TMEM116: variants seen among roughly 807,000 people sequenced by gnomAD.
The protein encoded by TMEM116 is transmembrane protein 116.
A neutral mutation model predicts 44.3 loss-of-function variants in TMEM116; 38 were observed. The ratio of observed to expected loss-of-function variants is 0.86; its 90% CI spans 0.66 to 1.12. TMEM116 has a LOEUF of 1.12. Among genes scored for constraint, TMEM116 ranks in the 50% most tolerant of loss-of-function variants. The pLI is 0.00. For missense variants in TMEM116, 354 were observed against 401.7 expected (o/e 0.88, Z 1.01); for synonymous variants, 132 against 144.8 (o/e 0.91, Z 0.64).
chr12:111,947,172 CTTT>C (rs76012436), intron 4 of TMEM116, among the ~76,000 whole-genome samples: 9 of 123,838 alleles, frequency 7.3e-5, no homozygotes, highest in Non-Finnish European at 1.2e-4. Flanking sequence ...CTTTTAAAGA[CTTT>C]TTTTTTTTTT....
intron 4 of TMEM116, among the ~76,000 whole-genome samples, chr12:111,960,160 AC>A: frequency 6.6e-6 from 1 of 152,350 alleles, no homozygotes; most frequent in East Asian, 1.9e-4. Flanking sequence ...CTCTCAGACA[AC>A]AGTGCAATCA....
At chr12:111,970,086 G>C (rs1052462675) in intron 4 of TMEM116, among the ~76,000 whole-genome samples, 2 of 151,834 alleles carry the variant, frequency 1.3e-5, no homozygotes, top group Non-Finnish European at 2.9e-5. Flanking sequence ...GGCCAACATG[G>C]TGAAACCCCA....
chr12:111,991,602 A>G (rs2136624979), intron 4 of TMEM116, 156 bp downstream of exon 4: 1 of 614,008 alleles, frequency 1.6e-6, no homozygotes, highest in African/African-American at 1.9e-5. Context: ...ATTCTATAAT[A>G]TAGTGTTTTT....
At chr12:111,955,012 C>T (rs1183238580) in intron 4 of TMEM116, among the ~76,000 whole-genome samples, 1 of 152,112 alleles carries the variant, frequency 6.6e-6, no homozygotes, top group Admixed American at 6.5e-5. Context: ...CTGAAGGTAG[C>T]CAGATTCTCT....
At position 111,931,708 on chromosome 12, in the gene TMEM116, T is replaced by G. The variant is rs201605168; in HGVS notation, c.927A>C (p.Leu309Phe). Residue 309 changes from leucine to phenylalanine, a missense_variant, in exon 11 of 11, where the codon TTA becomes TTC. By Grantham distance (22) the Leu-to-Phe change is conservative. Transcript: ENST00000552374. ...RRDADTQTPL[L>F]CSQKRFYSRG... ...TGCTATAGAATCTCTTCTGTGAGCA[T>G]AATAATGGTGTCTGGGTATCTGCAT... The G allele has an allele frequency of 6.2e-7, 1 of 1,613,998 alleles. No homozygotes were observed. Among genetic ancestry groups the G allele is most frequent in the Non-Finnish European group, 8.5e-7 (1 of 1,179,994 alleles).
intron 4 of TMEM116, among the ~76,000 whole-genome samples, chr12:111,982,325 G>A (rs550886243): frequency 4.8e-5 from 7 of 145,838 alleles, no homozygotes; most frequent in South Asian, 2.2e-4. Context: ...TTTTGAGACC[G>A]AGTCTTGCTC....
chr12:111,991,436 A>C (rs887694198), intron 4 of TMEM116, among the ~76,000 whole-genome samples: 4 of 151,196 alleles, frequency 2.6e-5, no homozygotes, highest in Non-Finnish European at 4.4e-5. Flanking sequence ...AGGCAGGAGA[A>C]TGGCATGAAC....
chr12:111,952,460 A>T (rs1023052824), intron 4 of TMEM116, among the ~76,000 whole-genome samples: 2 of 152,232 alleles, frequency 1.3e-5, no homozygotes, highest in African/African-American at 2.4e-5. Context: ...GGCCACATAA[A>T]TACAAGAGGT....
At chr12:111,999,516 C>T (rs911727933) in intron 3 of TMEM116, among the ~76,000 whole-genome samples, 8 of 151,622 alleles carry the variant, frequency 5.3e-5, no homozygotes, top group Non-Finnish European at 1.0e-4. Flanking sequence ...TTGCTTGAAC[C>T]GAGACCCTGG....
At chr12:111,945,029 C>A (rs970052595) in intron 4 of TMEM116, among the ~76,000 whole-genome samples, 20 of 145,808 alleles carry the variant, frequency 1.4e-4, no homozygotes, top group Non-Finnish European at 4.5e-5. Flanking sequence ...GAGACAAGAT[C>A]GCGCCACTGC....
At chr12:111,932,396 T>C (rs1311513244) in intron 10 of TMEM116, among the ~76,000 whole-genome samples, 190 bp downstream of exon 10, 1 of 152,248 alleles carries the variant, frequency 6.6e-6, no homozygotes, top group Non-Finnish European at 1.5e-5. Flanking sequence ...GGAGGTACTT[T>C]TACAACATTA....
intron 4 of TMEM116, among the ~76,000 whole-genome samples, chr12:111,947,707 G>GT (rs1481577241): frequency 6.6e-6 from 1 of 151,956 alleles, no homozygotes; most frequent in Non-Finnish European, 1.5e-5. Flanking sequence ...TTCCCTACAG[G>GT]TATCTGCAAT....
chr12:112,000,966 C>G (rs7312472), intron 3 of TMEM116: 51,184 of 368,048 alleles, frequency 0.14, 4,587 homozygotes, highest in African/African-American at 0.26. Context: ...CTGCAGCAGT[C>G]AGTACAAGGT....
chr12:111,932,713 C>T, intron 9 of TMEM116, 54 bp from the exon 10 acceptor site: 1 of 1,394,254 alleles, frequency 7.2e-7, no homozygotes, highest in Non-Finnish European at 1.0e-6. Context: ...TCTGAAGTAT[C>T]AGGTTCCTCC....
intron 8 of TMEM116, 70 bp from the exon 9 acceptor site, chr12:111,934,100 C>A: frequency 1.6e-5 from 24 of 1,490,472 alleles, no homozygotes; most frequent in Non-Finnish European, 1.6e-5. Context: ...ATCCTCCTAT[C>A]ATTTTAAAAA....
Position 111,931,493 on chromosome 12 carries a change from C to G in TMEM116, c.*128G>C. The G allele has an allele frequency of 1.2e-6, 1 of 825,936 alleles. No individual in the cohort carries two copies. The highest frequency in any genetic ancestry group is 1.9e-6 in the Non-Finnish European group (1 of 521,138). 51.2% of individuals were successfully genotyped at this position (825,936 alleles called of 1,614,324 possible). A position where few individuals can be genotyped will look rare whatever the true frequency, so the allele number is the denominator to read the frequency against. ...TCTAGAATGACTACTAACAATGGCA[C>G]TATATTTCCTTTGAGTTCTGCAGTT... On this transcript the variant is annotated 3_prime_UTR_variant, in exon 11 of 11. Coordinates refer to ENST00000552374, the MANE Select transcript of TMEM116 (RefSeq NM_001193531.2).
intron 4 of TMEM116, among the ~76,000 whole-genome samples, chr12:111,967,087 T>G (rs1225368611): frequency 6.6e-6 from 1 of 152,212 alleles, no homozygotes; most frequent in East Asian, 1.9e-4. Context: ...AAAAACACCA[T>G]ACACTCATAG....
intron 4 of TMEM116, among the ~76,000 whole-genome samples, chr12:111,957,182 G>A (rs1465676145): frequency 6.6e-6 from 1 of 151,900 alleles, no homozygotes; most frequent in Non-Finnish European, 1.5e-5. Context: ...TAGGAAGTGA[G>A]GAGTGTCTCT....
chr12:111,986,741 C>G (rs867626971), intron 4 of TMEM116, among the ~76,000 whole-genome samples: 1 of 151,620 alleles, frequency 6.6e-6, no homozygotes, highest in Middle Eastern at 3.4e-3. Flanking sequence ...CCCAGAAGGT[C>G]GAGGCTACAG....
Sources: gnomAD v4.1 joint callset for allele counts (sites outside exome capture counted in the v4.1 genomes callset) on GRCh38, gnomAD v4.1.1 for gene constraint, MANE v1.5 for transcripts, NCBI Gene and HGNC (gene_info 2026-07-23, HGNC 2026-07-21) for gene names.